DNAAF9: variants seen among roughly 807,000 people sequenced by gnomAD.
DNAAF9 encodes the protein shulin.
Under a neutral mutation model 167.0 loss-of-function variants are expected in DNAAF9, and 90 were observed. The ratio of observed to expected loss-of-function variants is 0.54; its 90% CI spans 0.45 to 0.64. The LOEUF (loss-of-function observed/expected upper bound fraction) is 0.64, where lower values mean the gene tolerates loss of function less well. Ranked by LOEUF, DNAAF9 falls within the 30% of genes least tolerant of loss-of-function variation. DNAAF9 has a pLI of 0.00. For missense variants in DNAAF9, 1,315 were observed against 1,442.2 expected, an observed-to-expected ratio of 0.91 and a Z score of 1.43; for synonymous variants, 491 against 508.8, an observed-to-expected ratio of 0.96 and a Z score of 0.47.
At chr20:3,296,406 CTT>C (rs1268876789) in intron 23 of DNAAF9, 2 of 324,124 alleles carry the variant, frequency 6.2e-6, no homozygotes, top group African/African-American at 4.3e-5. Flanking sequence ...GAGAAAGGGT[CTT>C]GTTTCATCAC....
At chr20:3,262,401 C>G (rs1257825659) in intron 31 of DNAAF9, among the ~76,000 whole-genome samples, 1 of 152,014 alleles carries the variant, frequency 6.6e-6, no homozygotes, top group African/African-American at 2.4e-5. Context: ...CAGGTGCCTG[C>G]CACCATGCCC....
At chr20:3,323,680 C>G (rs1345977479) in intron 14 of DNAAF9, among the ~76,000 whole-genome samples, 3 of 152,192 alleles carry the variant, frequency 2.0e-5, no homozygotes, top group Non-Finnish European at 4.4e-5. Context: ...TCTTCTTGTG[C>G]CTTTCTCCAG....
At chr20:3,364,945 TTC>T (rs758239893) in intron 6 of DNAAF9, among the ~76,000 whole-genome samples, 8,119 of 148,232 alleles carry the variant, frequency 0.055, 222 homozygotes, top group Non-Finnish European at 0.076. Context: ...TTTTCCTTTT[TTC>T]TTTTTTTTTT....
At chr20:3,292,082 T>C (rs1049643794) in intron 25 of DNAAF9, among the ~76,000 whole-genome samples, 3 of 151,328 alleles carry the variant, frequency 2.0e-5, no homozygotes, top group African/African-American at 7.3e-5. Flanking sequence ...TACTACAACC[T>C]CCGCCTCCCG....
In DNAAF9 at chr20:3,249,332, T is replaced by C. The variant is rs2068167356; in HGVS notation, c.*3240A>G. ...TGTTCAGTGATAGTTTATTGGTCCTTAGCATGACATCTCGATTACCAAGGT... is the reference window on the plus strand; with the variant it reads ...TGTTCAGTGATAGTTTATTGGTCCTCAGCATGACATCTCGATTACCAAGGT... On this transcript the variant is annotated 3_prime_UTR_variant, in exon 37 of 37. Transcript: ENST00000252032. The C allele has an allele frequency of 6.6e-6, 1 of 152,222 alleles. No individual in the cohort carries two copies. The highest frequency in any genetic ancestry group is 1.5e-5 in the Non-Finnish European group (1 of 68,036). 9.4% of individuals were successfully genotyped at this position (152,222 alleles called of 1,614,324 possible). A position where few individuals can be genotyped will look rare whatever the true frequency, so the allele number is the denominator to read the frequency against.
At chr20:3,388,564 G>C (rs2083782823) in intron 1 of DNAAF9, among the ~76,000 whole-genome samples, 1 of 152,132 alleles carries the variant, frequency 6.6e-6, no homozygotes, top group South Asian at 2.1e-4. Flanking sequence ...GCAACCCAAA[G>C]TGATAAACAA....
intron 28 of DNAAF9, among the ~76,000 whole-genome samples, chr20:3,279,614 C>T (rs1014082791): frequency 3.3e-5 from 5 of 152,236 alleles, no homozygotes; most frequent in African/African-American, 1.2e-4. Flanking sequence ...ATGGGGATAG[C>T]TGCCTTTTAT....
chr20:3,379,229 G>A (rs2083614569), intron 3 of DNAAF9, among the ~76,000 whole-genome samples: 1 of 151,936 alleles, frequency 6.6e-6, no homozygotes, highest in Non-Finnish European at 1.5e-5. Context: ...GAACTCTGGT[G>A]TTATCACTAT....
At chr20:3,365,031 C>T (rs928911376) in intron 6 of DNAAF9, among the ~76,000 whole-genome samples, 27 of 151,802 alleles carry the variant, frequency 1.8e-4, no homozygotes, top group African/African-American at 5.3e-4. Flanking sequence ...GCAGCCTTGA[C>T]CTTCTGGAGC....
intron 2 of DNAAF9, 33 bp from the exon 3 acceptor site, chr20:3,381,531 C>A (rs375310479): frequency 1.3e-5 from 21 of 1,605,290 alleles, no homozygotes; most frequent in African/African-American, 6.7e-5. Flanking sequence ...ATCAGCTGTA[C>A]CATACTACAG....
rs935897694 is a variant in DNAAF9 at position 3,303,228 on chromosome 20, C to T, written c.1782+1212G>A. ...CTGCACTCCAGCCTGGGCAACAGAG[C>T]GAGACTCTGTCTCAAAAAAAAAAAA... On this transcript the variant is annotated intron_variant, in intron 21 of 36. Transcript: ENST00000252032. Among the ~76,000 whole-genome samples, 137 of 146,898 alleles carry T rather than the reference C, an allele frequency of 9.3e-4. 1 individual carries two copies. Among genetic ancestry groups the T allele is most frequent in the African/African-American group, 2.8e-3 (112 of 39,404 alleles).
intron 1 of DNAAF9, among the ~76,000 whole-genome samples, chr20:3,390,944 T>C (rs1446386151): frequency 2.6e-5 from 4 of 152,140 alleles, no homozygotes; most frequent in Non-Finnish European, 2.9e-5. Flanking sequence ...ACTGCCAAGG[T>C]TACCCAGAGC....
intron 10 of DNAAF9, 71 bp downstream of exon 10, chr20:3,340,433 T>TCCGGGGGGGGGGCCCCCCACCCCCC: frequency 4.5e-6 from 1 of 221,214 alleles, no homozygotes; most frequent in Non-Finnish European, 9.5e-6. Flanking sequence ...TTTGTCTAGC[T>TCCGGGGGGGGGGCCCCCCACCCCCC]CCCCCCACCC....
chr20:3,294,016 T>G, intron 25 of DNAAF9, 123 bp downstream of exon 25: 1 of 667,854 alleles, frequency 1.5e-6, no homozygotes, highest in African/African-American at 1.8e-5. Context: ...TCCAAGGAAG[T>G]GGAGAGTCCT....
In DNAAF9 at chr20:3,362,247, T is replaced by C. The variant is rs905314629; in HGVS notation, c.613-2654A>G. 22 of 1,369,164 alleles carry C rather than the reference T, an allele frequency of 1.6e-5. No homozygotes were observed. The African/African-American group carries it at 2.1e-4, about 13-fold the overall frequency. 84.8% of individuals were successfully genotyped at this position (1,369,164 alleles called of 1,614,324 possible). A position where few individuals can be genotyped will look rare whatever the true frequency, so the allele number is the denominator to read the frequency against. ...AGCTAACTGTGTCATCTCCTACTCCTTTCTGGCTTTCTTCGAGTTCTTCCA... is the reference window on the plus strand; with the variant it reads ...AGCTAACTGTGTCATCTCCTACTCCCTTCTGGCTTTCTTCGAGTTCTTCCA... On this transcript the variant is annotated intron_variant, in intron 6 of 36. Transcript: ENST00000252032.
chr20:3,393,448 G>A (rs1342159676), intron 1 of DNAAF9, among the ~76,000 whole-genome samples: 2 of 151,980 alleles, frequency 1.3e-5, no homozygotes, highest in Non-Finnish European at 2.9e-5. Flanking sequence ...GGAGGTTGAG[G>A]CTGCAATGAG....
chr20:3,266,663 G>A (rs376319465), intron 30 of DNAAF9, among the ~76,000 whole-genome samples: 1 of 151,652 alleles, frequency 6.6e-6, no homozygotes, highest in African/African-American at 2.4e-5. Flanking sequence ...ATTTTTAGTA[G>A]AGATGGGGTT....
intron 8 of DNAAF9, among the ~76,000 whole-genome samples, chr20:3,345,056 T>G (rs1015308239): frequency 5.3e-5 from 8 of 152,190 alleles, no homozygotes; most frequent in Admixed American, 3.9e-4. Flanking sequence ...TTTGCTCTTG[T>G]TGCCCAGGCT....
chr20:3,362,167 A>G (rs2083372657), intron 6 of DNAAF9: 2 of 1,425,166 alleles, frequency 1.4e-6, no homozygotes, highest in Non-Finnish European at 2.0e-6. Context: ...TGGAGGCCCA[A>G]TTATCATCCC....
Sources: gnomAD v4.1 joint callset for allele counts (sites outside exome capture counted in the v4.1 genomes callset) on GRCh38, gnomAD v4.1.1 for gene constraint, MANE v1.5 for transcripts, NCBI Gene and HGNC (gene_info 2026-07-23, HGNC 2026-07-21) for gene names.